Variants in MOCOS observed in about 807,000 individuals in gnomAD.
The protein encoded by MOCOS is human molybdenum cofactor sulfurase.
MOCOS carries 86 observed loss-of-function variants against 83.6 expected under a neutral mutation model. The observed-to-expected ratio is 1.03, with a 90% CI of 0.86 to 1.23. The LOEUF is 1.23. Ranked by LOEUF, MOCOS falls within the 50% of genes most tolerant of loss-of-function variation. The pLI, the probability that MOCOS is intolerant of heterozygous loss-of-function variation, is 0.00. For missense variants in MOCOS, 1,120 were observed against 1,126.9 expected (o/e 0.99, Z 0.09); for synonymous variants, 445 against 434.7 (o/e 1.02, Z -0.29).
At chr18:36,210,965 G>T (rs796887683) in intron 6 of MOCOS, among the ~76,000 whole-genome samples, 47 of 151,882 alleles carry the variant, frequency 3.1e-4, no homozygotes, top group African/African-American at 1.1e-3. Context: ...GTGTGAGGCT[G>T]CCTGTGTGGG....
At chr18:36,248,124 G>C (rs919054280) in intron 9 of MOCOS, among the ~76,000 whole-genome samples, 11 of 151,684 alleles carry the variant, frequency 7.3e-5, no homozygotes, top group African/African-American at 2.7e-4. Context: ...GTTATTTTTT[G>C]TCATTCTGGT....
chr18:36,240,978 C>T (rs1031077127), intron 9 of MOCOS, among the ~76,000 whole-genome samples: 3 of 152,218 alleles, frequency 2.0e-5, no homozygotes, highest in South Asian at 2.1e-4. Context: ...GGCAATGCCT[C>T]GCCCTGCTTC....
chr18:36,194,266 G>T lies in MOCOS; in HGVS notation c.143-991G>T, dbSNP rs562547492. Among the ~76,000 whole-genome samples, 7 of 152,116 alleles carry T rather than the reference G, an allele frequency of 4.6e-5. No homozygotes were observed. The East Asian group carries it at 1.3e-3, about 29-fold the overall frequency. Reference sequence around the variant, plus strand: ...CCACTGAATTGTATACTTTAAGAGAGTGAATTTTATGTTATATCTCAATAA... The same window carrying T: ...CCACTGAATTGTATACTTTAAGAGATTGAATTTTATGTTATATCTCAATAA... On this transcript the variant is annotated intron_variant, in intron 1 of 14. Coordinates refer to ENST00000261326, the MANE Select transcript of MOCOS (RefSeq NM_017947.4).
chr18:36,232,158 A>G (rs2091540203), intron 9 of MOCOS, among the ~76,000 whole-genome samples: 1 of 152,086 alleles, frequency 6.6e-6, no homozygotes, highest in South Asian at 2.1e-4. Context: ...TATTTTCAGT[A>G]GAGATGGGGT....
At chr18:36,262,523 G>A (rs1311530330) in intron 13 of MOCOS, among the ~76,000 whole-genome samples, 1 of 152,046 alleles carries the variant, frequency 6.6e-6, no homozygotes, top group Admixed American at 6.5e-5. Context: ...TTTTGAGACA[G>A]GGTCTTACTC....
chr18:36,218,694 AT>A (rs1197710720), intron 8 of MOCOS, among the ~76,000 whole-genome samples: 1 of 147,886 alleles, frequency 6.8e-6, no homozygotes, highest in Non-Finnish European at 1.5e-5. Context: ...TTTAATTTTC[AT>A]TTTTTTTAGA....
intron 9 of MOCOS, among the ~76,000 whole-genome samples, chr18:36,235,316 G>A (rs1203727354): frequency 4.8e-5 from 6 of 124,554 alleles, no homozygotes; most frequent in African/African-American, 1.9e-4. Context: ...AGAGTGTGAT[G>A]TTCCCCTTCC....
chr18:36,251,351 C>T, intron 11 of MOCOS, 68 bp downstream of exon 11: 1 of 1,576,048 alleles, frequency 6.3e-7, no homozygotes. Flanking sequence ...ATCAAAACAG[C>T]CCATGAACTG....
At chr18:36,257,325 C>G (rs114669244) in intron 12 of MOCOS, among the ~76,000 whole-genome samples, 2 of 152,152 alleles carry the variant, frequency 1.3e-5, no homozygotes, top group Non-Finnish European at 2.9e-5. Flanking sequence ...TGGAGAACCC[C>G]TAGCTCTCAC....
chr18:36,257,137 G>A, intron 12 of MOCOS, 64 bp downstream of exon 12: 1 of 1,374,538 alleles, frequency 7.3e-7, no homozygotes, highest in Non-Finnish European at 1.0e-6. Flanking sequence ...AGCAGGGCCT[G>A]GCACCTGCCT....
intron 9 of MOCOS, among the ~76,000 whole-genome samples, chr18:36,232,257 G>T (rs2091541167): frequency 6.6e-6 from 1 of 152,162 alleles, no homozygotes; most frequent in African/African-American, 2.4e-5. Flanking sequence ...TTCCAGGTAT[G>T]AGCCACCATG....
intron 1 of MOCOS, among the ~76,000 whole-genome samples, chr18:36,193,756 T>G (rs1489612450): frequency 6.6e-6 from 1 of 152,116 alleles, no homozygotes; most frequent in Non-Finnish European, 1.5e-5. Flanking sequence ...TAAAAAGAAC[T>G]TGTATGTTTC....
intron 2 of MOCOS, among the ~76,000 whole-genome samples, chr18:36,197,007 A>C (rs1440388204): frequency 1.3e-5 from 2 of 152,062 alleles, no homozygotes; most frequent in Non-Finnish European, 2.9e-5. Context: ...TCTGGGGGTT[A>C]AGTTTGAGGG....
At chr18:36,233,415 A>G (rs571922740) in intron 9 of MOCOS, among the ~76,000 whole-genome samples, 1 of 152,104 alleles carries the variant, frequency 6.6e-6, no homozygotes, top group East Asian at 1.9e-4. Flanking sequence ...CCCACATCAT[A>G]TTTTCTTTAT....
At chr18:36,195,131 G>T (rs1598869375) in intron 1 of MOCOS, 126 bp from the exon 2 acceptor site, 1 of 791,238 alleles carries the variant, frequency 1.3e-6, no homozygotes, top group East Asian at 2.5e-5. Flanking sequence ...TGGATTAAGA[G>T]GCACATATCA....
At chr18:36,213,254 C>A in intron 6 of MOCOS, 112 bp from the exon 7 acceptor site, 1 of 840,822 alleles carries the variant, frequency 1.2e-6, no homozygotes, top group African/African-American at 1.7e-5. Context: ...CAATTCCAGG[C>A]TTGTATCATC....
At chr18:36,243,422 T>C (rs910447575) in intron 9 of MOCOS, among the ~76,000 whole-genome samples, 2 of 152,228 alleles carry the variant, frequency 1.3e-5, no homozygotes, top group Admixed American at 6.5e-5. Flanking sequence ...ATTTATTGAC[T>C]TGTGTAAGTT....
rs1345293125 is a variant in MOCOS, at chr18:36,257,084, A to G, written c.2270+11A>G. 8 of 1,601,448 alleles carry G rather than the reference A, an allele frequency of 5.0e-6. No homozygotes were observed. Among genetic ancestry groups the G allele is most frequent in the Non-Finnish European group, 6.8e-6 (8 of 1,168,632 alleles). On this transcript the variant is annotated intron_variant, in intron 12 of 14. Transcript: ENST00000261326. The stretch of plus-strand genomic sequence containing the variant: ...GCAACTAAACACCAGGTAAGACCTC[A>G]TACCTCGGGACTAGCAGACAAGCAT...
chr18:36,264,423 T>C (rs552469380), intron 13 of MOCOS, among the ~76,000 whole-genome samples: 2 of 152,176 alleles, frequency 1.3e-5, no homozygotes, highest in East Asian at 3.9e-4. Context: ...GGTAAGAGGG[T>C]GCAGGAGCCA....
Sources: allele counts gnomAD v4.1 joint callset (sites outside exome capture counted in the v4.1 genomes callset), GRCh38; gene constraint gnomAD v4.1.1; transcripts MANE v1.5; gene names NCBI Gene and HGNC (gene_info 2026-07-23, HGNC 2026-07-21).